LARP4B: variants seen among roughly 807,000 people sequenced by gnomAD.
LARP4B encodes la-related protein 4B.
Under a neutral mutation model 89.8 loss-of-function variants are expected in LARP4B, and 12 were observed. That is an observed-to-expected ratio of 0.13 (90% CI 0.09 to 0.22). LARP4B has a LOEUF of 0.22. Ranked by LOEUF, LARP4B falls within the 10% of genes least tolerant of loss-of-function variation. The probability of loss-of-function intolerance (pLI) is 1.00; values close to 1 mark genes in which losing one functional copy is unlikely to be tolerated. For synonymous variants in LARP4B, 367 were observed against 363.3 expected (o/e 1.01, Z -0.12); for missense variants, 757 against 947.7 (o/e 0.80, Z 2.64).
rs758318468 is a variant in LARP4B at position 814,667 on chromosome 10, T to C, written c.1929+75A>G. 1 of 1,552,246 alleles carries C rather than the reference T, an allele frequency of 6.4e-7. No individual in the cohort carries two copies. On this transcript the variant is annotated intron_variant, in intron 17 of 17. Transcript: ENST00000316157. The surrounding 1 kb of genome is among the most constrained non-coding windows in gnomAD (Gnocchi z 4.4). ...TAGATGTGATTAAAAAACGAGCAGG[T>C]GCAGGAGTGCGCAGCGTCTGTTCAC...
At chr10:903,827 T>C (rs1269828702) in intron 1 of LARP4B, among the ~76,000 whole-genome samples, 2 of 152,138 alleles carry the variant, frequency 1.3e-5, no homozygotes, top group Non-Finnish European at 2.9e-5. Context: ...AAGTGGTGAG[T>C]AAACTCATTT....
chr10:894,621 T>C (rs931990664), intron 1 of LARP4B, among the ~76,000 whole-genome samples: 1 of 152,228 alleles, frequency 6.6e-6, no homozygotes. Context: ...AAAGACATGA[T>C]AAAATTACTA....
At chr10:909,749 C>T (rs987306030) in intron 1 of LARP4B, among the ~76,000 whole-genome samples, 3 of 151,844 alleles carry the variant, frequency 2.0e-5, no homozygotes, top group African/African-American at 7.3e-5. Context: ...CGCGCCACTG[C>T]ACTCCAGCCT....
intron 1 of LARP4B, among the ~76,000 whole-genome samples, chr10:898,592 T>C (rs545101575): frequency 6.6e-6 from 1 of 152,232 alleles, no homozygotes; most frequent in African/African-American, 2.4e-5. Flanking sequence ...AACTTGATAA[T>C]TTCTAAGAAA....
the LARP4B span, among the ~76,000 whole-genome samples, chr10:952,208 C>T: frequency 4.0e-5 from 6 of 151,470 alleles, no homozygotes; most frequent in African/African-American, 7.3e-5. Flanking sequence ...GGCTTGGTGG[C>T]GGGCACCTGT....
At chr10:874,916 G>A (rs1396283135) in intron 3 of LARP4B, among the ~76,000 whole-genome samples, 2 of 152,032 alleles carry the variant, frequency 1.3e-5, no homozygotes, top group African/African-American at 4.8e-5. Flanking sequence ...TTACATCTAT[G>A]CATCCATTTT....
the LARP4B span, among the ~76,000 whole-genome samples, chr10:938,485 T>C: frequency 3.3e-5 from 5 of 152,006 alleles, no homozygotes; most frequent in Non-Finnish European, 5.9e-5. Context: ...GATCTCCTGC[T>C]CTTGTGATCC....
intron 7 of LARP4B, among the ~76,000 whole-genome samples, chr10:840,231 T>C (rs922837778): frequency 3.3e-5 from 5 of 152,110 alleles, no homozygotes; most frequent in African/African-American, 1.2e-4. Context: ...AATGCATAAT[T>C]TATGGTATGT....
chr10:828,176 G>T (rs4522091), intron 11 of LARP4B, among the ~76,000 whole-genome samples: 23,477 of 152,166 alleles, frequency 0.15, 1,997 homozygotes, highest in Non-Finnish European at 0.19. Flanking sequence ...CCTGGAAACT[G>T]CCAGCTCGTT....
chr10:868,765 T>C (rs1473230858), intron 3 of LARP4B, among the ~76,000 whole-genome samples: 1 of 152,234 alleles, frequency 6.6e-6, no homozygotes, highest in Non-Finnish European at 1.5e-5. Flanking sequence ...GGTTGATGGA[T>C]CATTCCTTAC....
intron 11 of LARP4B, among the ~76,000 whole-genome samples, chr10:827,614 G>C (rs1315795087): frequency 6.6e-6 from 1 of 152,116 alleles, no homozygotes; most frequent in Admixed American, 6.5e-5. Context: ...CAGCTGTCTG[G>C]CACACACCGC....
At chr10:988,320 T>G in the LARP4B span, 3 of 633,042 alleles carry the variant, frequency 4.7e-6, no homozygotes, top group Admixed American at 2.6e-5. Context: ...GCCGGGCGGG[T>G]GCGCTGTGCG....
the LARP4B span, among the ~76,000 whole-genome samples, chr10:952,234 G>A: frequency 6.6e-6 from 1 of 150,814 alleles, no homozygotes; most frequent in Non-Finnish European, 1.5e-5. Flanking sequence ...CAGCTACTTG[G>A]GAGGCTGAGG....
chr10:844,918 TTAAC>T (rs1833700315), intron 6 of LARP4B, 55 bp downstream of exon 6: 7 of 1,263,522 alleles, frequency 5.5e-6, no homozygotes, highest in Middle Eastern at 1.9e-4. Context: ...TGTATATACT[TTAAC>T]TATTTGCACA....
At chr10:894,379 C>T (rs1244128608) in intron 1 of LARP4B, among the ~76,000 whole-genome samples, 1 of 152,134 alleles carries the variant, frequency 6.6e-6, no homozygotes, top group African/African-American at 2.4e-5. Context: ...GCAAGAAAGA[C>T]GACCTCATTT....
chr10:833,272 A>AAAAAAAAC (rs1833012307), intron 8 of LARP4B, among the ~76,000 whole-genome samples: 1 of 148,316 alleles, frequency 6.7e-6, no homozygotes, highest in African/African-American at 2.5e-5. Flanking sequence ...AAAAAAAAAA[A>AAAAAAAAC]AAAAAAAAAA....
At chr10:924,384 T>C (rs1283116025) in intron 1 of LARP4B, 1 of 152,210 alleles carries the variant, frequency 6.6e-6, no homozygotes, top group African/African-American at 2.4e-5. Flanking sequence ...ATTCCCTACC[T>C]TGCCGCCCAG....
At chr10:965,942 C>T in the LARP4B span, among the ~76,000 whole-genome samples, 1 of 152,068 alleles carries the variant, frequency 6.6e-6, no homozygotes, top group African/African-American at 2.4e-5. Flanking sequence ...TCATGGTGGA[C>T]TCACTCATTA....
the LARP4B span, among the ~76,000 whole-genome samples, chr10:965,650 G>C: frequency 6.6e-6 from 1 of 151,906 alleles, no homozygotes; most frequent in African/African-American, 2.4e-5. Context: ...CATAATCGAT[G>C]AAACGGTTGT....
Sources: allele counts gnomAD v4.1 joint callset (sites outside exome capture counted in the v4.1 genomes callset), GRCh38; gene constraint gnomAD v4.1.1; non-coding constraint Gnocchi (gnomAD v3.1); transcripts MANE v1.5; gene names NCBI Gene and HGNC (gene_info 2026-07-23, HGNC 2026-07-21).